SRGAP1: variants seen among roughly 807,000 people sequenced by gnomAD.
The protein encoded by SRGAP1 is SLIT-ROBO Rho GTPase activating protein 1.
SRGAP1 carries 43 observed loss-of-function variants against 121.9 expected under a neutral mutation model. The observed-to-expected ratio is 0.35, with a 90% confidence interval of 0.28 to 0.46. The LOEUF is 0.46. Among genes scored for constraint, SRGAP1 ranks in the 20% least tolerant of loss-of-function variants. The pLI, the probability that SRGAP1 is intolerant of heterozygous loss-of-function variation, is 1.00. For synonymous variants in SRGAP1, 447 were observed against 485.4 expected (o/e 0.92, Z 1.04); for missense variants, 1,102 against 1,350.9 (o/e 0.82, Z 2.89).
intron 1 of SRGAP1, among the ~76,000 whole-genome samples, chr12:63,904,679 C>G (rs1034811385): frequency 1.3e-5 from 2 of 152,032 alleles, no homozygotes; most frequent in African/African-American, 4.8e-5. Context: ...ACCTATAATC[C>G]CAGCCCTTTG....
In SRGAP1 at chr12:64,152,812, C is replaced by G. The variant is rs753123609; in HGVS notation, c.*10140C>G. ...CCAGCTGGCATTAATTGTTCTGTTA[C>G]ATTTTGTTTTCATTAAATCAGGCTC... On this transcript the variant is annotated 3_prime_UTR_variant, in exon 22 of 22. Coordinates refer to ENST00000355086, the MANE Select transcript of SRGAP1 (RefSeq NM_020762.4). 1 of 147,580 alleles carries G rather than the reference C, an allele frequency of 6.8e-6. No individual in the cohort carries two copies. Among genetic ancestry groups the G allele is most frequent in the Non-Finnish European group, 1.5e-5 (1 of 67,200 alleles). 9.1% of individuals were successfully genotyped at this position (147,580 alleles called of 1,614,324 possible).
intron 1 of SRGAP1, among the ~76,000 whole-genome samples, chr12:63,865,680 G>C (rs1899603748): frequency 6.6e-6 from 1 of 152,204 alleles, no homozygotes; most frequent in African/African-American, 2.4e-5. Context: ...TGAAGCGTTG[G>C]TCGAGTGAAG....
At chr12:63,857,451 G>A (rs537303824) in intron 1 of SRGAP1, among the ~76,000 whole-genome samples, 114 of 151,560 alleles carry the variant, frequency 7.5e-4, no homozygotes, top group Non-Finnish European at 1.3e-3. Context: ...GCATGGTCTC[G>A]GCTCACTGCA....
chr12:63,985,216 A>G (rs898719824), intron 2 of SRGAP1, among the ~76,000 whole-genome samples: 2 of 152,178 alleles, frequency 1.3e-5, no homozygotes, highest in African/African-American at 2.4e-5. Context: ...TAGTTGGTCA[A>G]TAAAGGAGAG....
rs971573708 is a variant in SRGAP1 at position 64,086,882 on chromosome 12, A to C, written c.1409-117A>C. ...TATCCTCATGTTTTCTGCCATAAAA[A>C]CGTGTAAGTTATTACAAACTCAGTG... On this transcript the variant is annotated intron_variant, in intron 10 of 21. Coordinates refer to ENST00000355086, the MANE Select transcript of SRGAP1 (RefSeq NM_020762.4). 4.3e-6 allele frequency: 3 copies of C among 705,638 alleles called. No individual in the cohort carries two copies. The African/African-American group carries it at 5.5e-5, about 13-fold the overall frequency. The allele number at this position is 705,638 out of a possible 1,614,324, so 43.7% of individuals were successfully genotyped here.
intron 1 of SRGAP1, among the ~76,000 whole-genome samples, chr12:63,851,575 T>TTTAC (rs1555231333): frequency 1.3e-5 from 2 of 151,398 alleles, no homozygotes; most frequent in Admixed American, 1.3e-4. Context: ...TGTTGTCTTC[T>TTTAC]TTTCTTTCTT....
At chr12:63,990,524 T>C (rs1398759030) in intron 3 of SRGAP1, among the ~76,000 whole-genome samples, 1 of 152,062 alleles carries the variant, frequency 6.6e-6, no homozygotes, top group African/African-American at 2.4e-5. Flanking sequence ...AGAGTGAGAC[T>C]CCGACTCAAA....
intron 1 of SRGAP1, among the ~76,000 whole-genome samples, chr12:63,850,745 T>C (rs767471257): frequency 1.3e-5 from 2 of 151,990 alleles, no homozygotes; most frequent in Non-Finnish European, 2.9e-5. Flanking sequence ...CTTAAAAAAT[T>C]TTATTCATGC....
chr12:63,895,395 A>C (rs1233326230), intron 1 of SRGAP1, among the ~76,000 whole-genome samples: 1 of 152,168 alleles, frequency 6.6e-6, no homozygotes, highest in Non-Finnish European at 1.5e-5. Flanking sequence ...TGACCACTTA[A>C]ATTAGAATTA....
chr12:64,040,018 T>C (rs1020627384), intron 4 of SRGAP1, among the ~76,000 whole-genome samples: 1 of 152,186 alleles, frequency 6.6e-6, no homozygotes, highest in Non-Finnish European at 1.5e-5. Context: ...TGTAATGCCT[T>C]TAACATGATT....
chr12:64,120,762 C>G (rs1247007414), intron 18 of SRGAP1, among the ~76,000 whole-genome samples: 1 of 152,100 alleles, frequency 6.6e-6, no homozygotes, highest in Non-Finnish European at 1.5e-5. Flanking sequence ...CTTAAGGTGA[C>G]CAGGCTAGAA....
At chr12:63,878,080 C>T (rs1900084247) in intron 1 of SRGAP1, among the ~76,000 whole-genome samples, 1 of 152,224 alleles carries the variant, frequency 6.6e-6, no homozygotes, top group Non-Finnish European at 1.5e-5. Flanking sequence ...AAGTCAGGCT[C>T]TCTTTATCTA....
Position 63,996,030 on chromosome 12 carries a change from A to T in SRGAP1, c.426+5958A>T, listed in dbSNP as rs540634422. 9.6e-3 allele frequency among the ~76,000 whole-genome samples: 1,438 copies of T among 150,458 alleles called. 21 individuals are homozygous for T. Among genetic ancestry groups the T allele is most frequent in the African/African-American group, 0.032 (1,313 of 40,836 alleles). On this transcript the variant is annotated intron_variant, in intron 3 of 21. Coordinates refer to ENST00000355086, the MANE Select transcript of SRGAP1 (RefSeq NM_020762.4). ...AGGCTCTGACCTTGTTTTTTTTTTT[A>T]AAAAAAGTACCATAAGTTAAAAGCA...
At position 64,159,989 on chromosome 12, in the gene SRGAP1, A is replaced by T. The variant is rs987600607; in HGVS notation, c.*17317A>T. ...ATAATTACCTTTGTTTCATTTGCTT[A>T]GCTTTCTATTTACATAAATAGGTAA... On this transcript the variant is annotated 3_prime_UTR_variant, in exon 22 of 22. Transcript: ENST00000355086. 1.3e-5 allele frequency: 2 copies of T among 152,088 alleles called. No homozygotes were observed. The highest frequency in any genetic ancestry group is 1.9e-4 in the East Asian group (1 of 5,192). 9.4% of individuals were successfully genotyped at this position (152,088 alleles called of 1,614,324 possible).
chr12:64,093,911 C>T (rs1565678143), intron 12 of SRGAP1, among the ~76,000 whole-genome samples: 2 of 152,090 alleles, frequency 1.3e-5, no homozygotes, highest in Admixed American at 6.6e-5. Context: ...TATTCTTAAT[C>T]CTTCCCCCAC....
chr12:63,856,448 G>A (rs888845170), intron 1 of SRGAP1, among the ~76,000 whole-genome samples: 1 of 151,790 alleles, frequency 6.6e-6, no homozygotes. Flanking sequence ...TTTTGCTTTC[G>A]GCGTATGTTT....
At position 64,080,231 on chromosome 12, in the gene SRGAP1, G is replaced by T. The variant is rs370372929; in HGVS notation, c.1324-55G>T. ...GCACTCCAGCCTGGGTGACAAGAATGAAACTCTGTCTCAAAAAAAAAAAAA... is the reference window on the plus strand; with the variant it reads ...GCACTCCAGCCTGGGTGACAAGAATTAAACTCTGTCTCAAAAAAAAAAAAA... On this transcript the variant is annotated intron_variant, in intron 9 of 21. Coordinates refer to ENST00000355086, the MANE Select transcript of SRGAP1 (RefSeq NM_020762.4). 3.1e-4 allele frequency: 461 copies of T among 1,466,490 alleles called. 2 individuals carry two copies. In the African/African-American group the frequency reaches 5.8e-3, roughly 18 times the overall value. 90.8% of individuals were successfully genotyped at this position (1,466,490 alleles called of 1,614,324 possible). A position where few individuals can be genotyped will look rare whatever the true frequency, so the allele number is the denominator to read the frequency against.
chr12:64,025,792 C>T (rs556179228), intron 4 of SRGAP1, among the ~76,000 whole-genome samples: 8 of 152,294 alleles, frequency 5.3e-5, no homozygotes, highest in African/African-American at 1.9e-4. Context: ...CTGTGAGCAA[C>T]TTCTGAATTC....
At chr12:64,012,548 T>C (rs2034280782) in intron 3 of SRGAP1, among the ~76,000 whole-genome samples, 1 of 139,018 alleles carries the variant, frequency 7.2e-6, no homozygotes, top group South Asian at 2.3e-4. Flanking sequence ...TTTAAGTTAT[T>C]ATCTTTTTTT....
Sources: gnomAD v4.1 joint callset for allele counts (sites outside exome capture counted in the v4.1 genomes callset) on GRCh38, gnomAD v4.1.1 for gene constraint, MANE v1.5 for transcripts, NCBI Gene and HGNC (gene_info 2026-07-23, HGNC 2026-07-21) for gene names.